Variants in SYNE1 observed in about 807,000 individuals in gnomAD.
SYNE1 encodes the protein spectrin repeat containing nuclear envelope protein 1.
SYNE1 carries 616 observed loss-of-function variants against 1,111.0 expected under a neutral mutation model. The observed-to-expected ratio is 0.55, with a 90% CI of 0.52 to 0.59. The LOEUF is 0.59. SYNE1 is among the 20% of genes least tolerant of loss of function. The pLI is 0.00. For missense variants in SYNE1, 10,006 were observed against 10,417.0 expected (o/e 0.96, Z 1.72); for synonymous variants, 3,855 against 3,825.8 (o/e 1.01, Z -0.28).
At chr6:152,382,835 T>C (rs1043872353) in intron 55 of SYNE1, among the ~76,000 whole-genome samples, 1 of 152,226 alleles carries the variant, frequency 6.6e-6, no homozygotes, top group African/African-American at 2.4e-5. Context: ...CAATCAGAAA[T>C]CTAGTCATTC....
At chr6:152,448,439 ATT>A (rs112863750) in intron 28 of SYNE1, among the ~76,000 whole-genome samples, 1 of 151,802 alleles carries the variant, frequency 6.6e-6, no homozygotes, top group African/African-American at 2.4e-5. Context: ...TAGGATGTGA[ATT>A]TTTTTTTGTG....
intron 3 of SYNE1, among the ~76,000 whole-genome samples, chr6:152,616,456 A>C (rs1180809036): frequency 1.3e-5 from 2 of 152,142 alleles, no homozygotes; most frequent in African/African-American, 4.8e-5. Context: ...TATGCCTGTC[A>C]TCCCAGCTAC....
chr6:152,471,842 T>G, intron 15 of SYNE1, 77 bp from the exon 16 acceptor site: 1 of 1,448,174 alleles, frequency 6.9e-7, no homozygotes, highest in Non-Finnish European at 9.6e-7. Flanking sequence ...CTGTTACATG[T>G]CAGCCTTAAA....
intron 4 of SYNE1, among the ~76,000 whole-genome samples, chr6:152,539,162 A>T (rs1302049618): frequency 1.3e-5 from 2 of 151,738 alleles, no homozygotes; most frequent in Non-Finnish European, 2.9e-5. Context: ...CATCTAATTC[A>T]TTTAACCAAT....
intron 61 of SYNE1, 121 bp downstream of exon 61, chr6:152,368,851 C>A: frequency 8.0e-7 from 1 of 1,254,260 alleles, no homozygotes; most frequent in South Asian, 1.2e-5. Context: ...CCCCTTACTG[C>A]TGACCTGGAG....
At chr6:152,257,681 A>G (rs2091153073) in intron 101 of SYNE1, among the ~76,000 whole-genome samples, 1 of 152,250 alleles carries the variant, frequency 6.6e-6, no homozygotes, top group Non-Finnish European at 1.5e-5. Flanking sequence ...ACTGGCATAG[A>G]GAAAACTCTT....
rs558631055 is a variant in SYNE1, at chr6:152,293,734, G to A, written c.17866C>T (p.Arg5956Cys). Residue 5956 changes from arginine to cysteine, a missense_variant, in exon 95 of 146, where the codon CGC becomes TGC. Physicochemically the swap from Arg to Cys is radical, Grantham distance 180 (BLOSUM62 -3). Around this residue, in one of 7 missense-constraint regions of SYNE1, gnomAD observed 4,955 missense variants for 5,017.2 expected, o/e 0.99. Transcript: ENST00000367255. ...TLKNVISEKQ[R>C]TLYEALERQQ... ...CGTTCCAAAGCTTCATAGAGTGTGCGCTGCTTCTCACTGATCTACACCAGA... is the reference window on the plus strand; with the variant it reads ...CGTTCCAAAGCTTCATAGAGTGTGCACTGCTTCTCACTGATCTACACCAGA... 64 of 1,592,488 alleles carry A rather than the reference G, an allele frequency of 4.0e-5. No individual in the cohort carries two copies. In the South Asian group the frequency reaches 4.8e-4, roughly 12 times the overall value.
At chr6:152,346,724 G>C (rs901125332) in intron 73 of SYNE1, among the ~76,000 whole-genome samples, 1 of 151,996 alleles carries the variant, frequency 6.6e-6, no homozygotes, top group Non-Finnish European at 1.5e-5. Flanking sequence ...GTAGGAGAAT[G>C]GCGTGAACCT....
intron 3 of SYNE1, among the ~76,000 whole-genome samples, chr6:152,550,070 T>C (rs748335953): frequency 1.4e-4 from 21 of 152,196 alleles, no homozygotes; most frequent in Non-Finnish European, 5.9e-5. Context: ...GCAATGTCAT[T>C]GGCCTTTACA....
intron 67 of SYNE1, among the ~76,000 whole-genome samples, chr6:152,354,347 G>A (rs991822246): frequency 2.0e-4 from 30 of 152,240 alleles, no homozygotes; most frequent in Non-Finnish European, 3.8e-4. Flanking sequence ...CTATATTGGA[G>A]CAATTTCATA....
At chr6:152,293,311 G>A (rs1212793877) in intron 95 of SYNE1, among the ~76,000 whole-genome samples, 2 of 152,156 alleles carry the variant, frequency 1.3e-5, no homozygotes, top group African/African-American at 2.4e-5. Context: ...TGTAATCAAA[G>A]TTAAAAAGCA....
intron 75 of SYNE1, among the ~76,000 whole-genome samples, 155 bp from the exon 76 acceptor site, chr6:152,337,172 A>G (rs569273165): frequency 6.6e-6 from 1 of 152,326 alleles, no homozygotes; most frequent in South Asian, 2.1e-4. Context: ...TTTAAAAAGT[A>G]CTTCTTTATT....
chr6:152,506,634 C>G (rs546917488), intron 8 of SYNE1, among the ~76,000 whole-genome samples: 2 of 152,050 alleles, frequency 1.3e-5, no homozygotes, highest in Non-Finnish European at 1.5e-5. Context: ...CTCCACCCCC[C>G]AGGCTCAAGG....
Position 152,172,276 on chromosome 6 carries a change from C to T in SYNE1, c.23627+4118G>A, listed in dbSNP as rs540123029. ...ATTGATTGGAGTAATAGATGCATAGCTTTATAAATATACTAAAATCACTGA... is the reference window on the plus strand; with the variant it reads ...ATTGATTGGAGTAATAGATGCATAGTTTTATAAATATACTAAAATCACTGA... On this transcript the variant is annotated intron_variant, in intron 130 of 145. Transcript: ENST00000367255. Among the ~76,000 whole-genome samples the T allele has an allele frequency of 2.0e-5, 3 of 152,196 alleles. No homozygotes were observed. The South Asian group carries it at 6.2e-4, about 32-fold the overall frequency.
intron 3 of SYNE1, among the ~76,000 whole-genome samples, chr6:152,598,282 G>A (rs1185587824): frequency 1.3e-5 from 2 of 152,094 alleles, no homozygotes; most frequent in Admixed American, 6.6e-5. Flanking sequence ...GAGTTTCCCT[G>A]CACAAGCTCT....
intron 3 of SYNE1, among the ~76,000 whole-genome samples, chr6:152,604,988 GAA>G (rs2099608335): frequency 1.3e-3 from 30 of 23,854 alleles, no homozygotes; most frequent in East Asian, 6.3e-3. Context: ...AAGAAAGAAA[GAA>G]AGAAAGAAAG....
At position 152,148,426 on chromosome 6, in the gene SYNE1, C is replaced by T; in HGVS notation, c.24643-48G>A. On this transcript the variant is annotated intron_variant, in intron 136 of 145. Transcript: ENST00000367255. This position sits in a 1 kb window ranked among gnomAD's most constrained non-coding sequence, Gnocchi z 4.1. ...CCTGTCACTGTAGTGGTCAGACTAG[C>T]TTCTTATCTGGGCCACCTGCCTACC... is the stretch of plus-strand genomic sequence containing the variant. 1 of 1,579,304 alleles carries T rather than the reference C, an allele frequency of 6.3e-7. No homozygotes were observed. Among genetic ancestry groups the T allele is most frequent in the Non-Finnish European group, 8.6e-7 (1 of 1,158,806 alleles).
intron 62 of SYNE1, 24 bp from the exon 63 acceptor site, chr6:152,365,043 CTTTGTCA>C (rs1272207932): frequency 6.2e-7 from 1 of 1,613,376 alleles, no homozygotes; most frequent in Non-Finnish European, 8.5e-7. Flanking sequence ...TACAGAAGTC[CTTTGTCA>C]TTTGTATGTT....
At chr6:152,393,305 T>G (rs1193523123) in intron 51 of SYNE1, among the ~76,000 whole-genome samples, 1 of 152,064 alleles carries the variant, frequency 6.6e-6, no homozygotes, top group East Asian at 1.9e-4. Context: ...GAGCAGCCTG[T>G]AGAGACGAAA....
Sources: gnomAD v4.1 joint callset for allele counts (sites outside exome capture counted in the v4.1 genomes callset) on GRCh38, gnomAD v4.1.1 for gene constraint, gnomAD v4.1.1 regional missense constraint, Gnocchi (gnomAD v3.1) non-coding constraint, MANE v1.5 for transcripts, NCBI Gene and HGNC (gene_info 2026-07-23, HGNC 2026-07-21) for gene names.